Variants in FAM228B observed in about 807,000 individuals in gnomAD.
FAM228B encodes the protein protein FAM228B.
Under a neutral mutation model 42.6 loss-of-function variants are expected in FAM228B, and 38 were observed. That is an observed-to-expected ratio of 0.89 (90% confidence interval 0.69 to 1.17). The LOEUF (loss-of-function observed/expected upper bound fraction) is 1.17, where lower values mean the gene tolerates loss of function less well. Ranked by LOEUF, FAM228B falls within the 50% of genes most tolerant of loss-of-function variation. The pLI is 0.00. For missense variants in FAM228B, 344 were observed against 367.3 expected (o/e 0.94, Z 0.52); for synonymous variants, 109 against 122.3 (o/e 0.89, Z 0.72).
chr2:24,157,687 G>A (rs1295837597), intron 7 of FAM228B, among the ~76,000 whole-genome samples: 9 of 150,478 alleles, frequency 6.0e-5, no homozygotes, highest in Non-Finnish European at 1.3e-4. Context: ...GCAGTGAGCC[G>A]AGATCACACC....
At chr2:24,119,615 A>C (rs1479641800), upstream of FAM228B, 3 of 1,613,986 alleles carry the variant, frequency 1.9e-6, no homozygotes, top group Admixed American at 5.0e-5. Flanking sequence ...GCTAGGATAC[A>C]TGCCCTCAGT....
intron 8 of FAM228B, 74 bp from the exon 9 acceptor site, chr2:24,164,124 T>C (rs1324035187): frequency 1.5e-6 from 2 of 1,330,602 alleles, no homozygotes; most frequent in Non-Finnish European, 1.0e-6. Flanking sequence ...ACTTCAAATT[T>C]AAATAAAAAT....
chr2:24,150,215 C>T (rs540318435), intron 7 of FAM228B, among the ~76,000 whole-genome samples: 46 of 152,238 alleles, frequency 3.0e-4, no homozygotes, highest in African/African-American at 9.9e-4. Context: ...GAGATGATTT[C>T]TTCTTGCTCA....
intron 7 of FAM228B, among the ~76,000 whole-genome samples, chr2:24,160,657 A>G (rs769321392): frequency 1.3e-5 from 2 of 151,052 alleles, no homozygotes; most frequent in African/African-American, 2.4e-5. Context: ...TATCTTGGTG[A>G]TTGGTTCCTT....
intron 9 of FAM228B, chr2:24,165,858 A>C (rs1667390807): frequency 5.8e-6 from 1 of 173,090 alleles, no homozygotes; most frequent in African/African-American, 2.4e-5. Context: ...CCTGATCAAC[A>C]TGGAGAAACC....
chr2:24,113,801 C>G (rs539618785), intron 3 of FAM228B, among the ~76,000 whole-genome samples: 1 of 151,994 alleles, frequency 6.6e-6, no homozygotes, highest in African/African-American at 2.4e-5. Flanking sequence ...CACTTGAAAC[C>G]TGGAGGTGGA....
chr2:24,165,253 G>A (rs1051460334), intron 9 of FAM228B: 2 of 366,078 alleles, frequency 5.5e-6, no homozygotes, highest in African/African-American at 4.2e-5. Context: ...AAGTTTGCAG[G>A]GCTTGTACTG....
At chr2:24,135,231 T>G in intron 3 of FAM228B, 44 bp downstream of exon 3, 1 of 1,144,180 alleles carries the variant, frequency 8.7e-7, no homozygotes, top group South Asian at 1.5e-5. Context: ...AAATTAAATG[T>G]AGTTTTTCCT....
At chr2:24,110,177 G>A (rs1429525472) in intron 3 of FAM228B, among the ~76,000 whole-genome samples, 2 of 152,166 alleles carry the variant, frequency 1.3e-5, no homozygotes, top group African/African-American at 4.8e-5. Context: ...AACTAAGACA[G>A]GGACAGAAAA....
In FAM228B at chr2:24,080,425, G is replaced by C. The variant is rs1278787550; in HGVS notation, c.-289-451G>C. Among the ~76,000 whole-genome samples, 1 of 151,888 alleles carries C rather than the reference G, an allele frequency of 6.6e-6. No homozygotes were observed. The highest frequency in any genetic ancestry group is 1.5e-5 in the Non-Finnish European group (1 of 68,008). Reference sequence around the variant, plus strand: ...GACACGTCTGGCTTTGGAATACAGAGGTGTGCACATCTACTTACTCATTTA... The same window carrying C: ...GACACGTCTGGCTTTGGAATACAGACGTGTGCACATCTACTTACTCATTTA... On this transcript the variant is annotated intron_variant, in intron 1 of 10. Transcript: ENST00000613899. This position sits in a 1 kb window ranked among gnomAD's most constrained non-coding sequence, Gnocchi z 4.7.
chr2:24,126,592 A>C (rs149276264), intron 2 of FAM228B, among the ~76,000 whole-genome samples: 544 of 150,254 alleles, frequency 3.6e-3, no homozygotes, highest in Middle Eastern at 0.024. Flanking sequence ...GATATAATTT[A>C]CATGCCATAA....
intron 2 of FAM228B, among the ~76,000 whole-genome samples, chr2:24,093,978 G>C (rs534094244): frequency 1.6e-4 from 24 of 148,266 alleles, no homozygotes; most frequent in African/African-American, 6.0e-4. Context: ...TAATGGGATT[G>C]CTGGGTCAAA....
intron 4 of FAM228B, among the ~76,000 whole-genome samples, chr2:24,138,900 C>T (rs1666671106): frequency 6.7e-6 from 1 of 149,242 alleles, no homozygotes; most frequent in Non-Finnish European, 1.5e-5. Context: ...GAGCCGAGAT[C>T]ACACCTCTGT....
intron 7 of FAM228B, among the ~76,000 whole-genome samples, chr2:24,159,809 C>T (rs149431132): frequency 3.2e-4 from 49 of 152,194 alleles, no homozygotes; most frequent in African/African-American, 7.0e-4. Context: ...ACAATTATTT[C>T]TCTTAATGTT....
At position 24,084,553 on chromosome 2, in the gene FAM228B, C is replaced by T. The variant is rs935044384; in HGVS notation, c.-210+3598C>T. ...AGCTCCTGCCTGGGAAGTCCTCGGC[C>T]GCCTCCAGACCGATCCCACCCGGAA... On this transcript the variant is annotated intron_variant, in intron 2 of 10. Transcript: ENST00000613899. The surrounding 1 kb of genome is among the most constrained non-coding windows in gnomAD (Gnocchi z 8.4). 36 of 528,602 alleles carry T rather than the reference C, an allele frequency of 6.8e-5. No individual in the cohort carries two copies. Among genetic ancestry groups the T allele is most frequent in the African/African-American group, 3.6e-4 (18 of 49,668 alleles). The allele number at this position is 528,602 out of a possible 1,614,324, so 32.7% of individuals were successfully genotyped here. A position where few individuals can be genotyped will look rare whatever the true frequency, so the allele number is the denominator to read the frequency against.
intron 8 of FAM228B, among the ~76,000 whole-genome samples, chr2:24,163,092 A>C (rs1667320460): frequency 6.6e-6 from 1 of 151,946 alleles, no homozygotes; most frequent in Admixed American, 6.6e-5. Flanking sequence ...AAAATTGTTC[A>C]TAATAATAAT....
upstream of FAM228B, among the ~76,000 whole-genome samples, chr2:24,122,148 A>G (rs933094443): frequency 3.3e-5 from 5 of 152,260 alleles, no homozygotes; most frequent in African/African-American, 7.2e-5. Context: ...CCTGACCAAC[A>G]TGGTAAAACA....
rs578143510 is a variant in FAM228B, at chr2:24,124,743, GTATT to G, written c.99+299_99+302del. ...TGCATCACCCAAATTTTGATATGAT[GTATT>G]TATTTATTTATTTATATTTGAGACA... On this transcript the variant is annotated intron_variant, in intron 2 of 10. Coordinates refer to ENST00000615575, the MANE Select transcript of FAM228B (RefSeq NM_001145710.2). 1.1e-4 allele frequency among the ~76,000 whole-genome samples: 16 copies of G among 152,104 alleles called. No homozygotes were observed. In the South Asian group the frequency reaches 2.3e-3, roughly 22 times the overall value.
chr2:24,129,067 C>T (rs1457769572), intron 2 of FAM228B, among the ~76,000 whole-genome samples: 1 of 152,134 alleles, frequency 6.6e-6, no homozygotes, highest in Non-Finnish European at 1.5e-5. Context: ...CAGCTGAAGA[C>T]TCAAGGGGAC....
Sources: gnomAD v4.1 joint callset for allele counts (sites outside exome capture counted in the v4.1 genomes callset) on GRCh38, gnomAD v4.1.1 for gene constraint, Gnocchi (gnomAD v3.1) non-coding constraint, MANE v1.5 for transcripts, NCBI Gene and HGNC (gene_info 2026-07-23, HGNC 2026-07-21) for gene names.